Variants in ZBTB20 observed in about 807,000 individuals in gnomAD.
ZBTB20 encodes the protein zinc finger and BTB domain-containing protein 20.
ZBTB20 carries 9 observed loss-of-function variants against 56.9 expected under a neutral mutation model. The ratio of observed to expected loss-of-function variants is 0.16; its 90% CI spans 0.10 to 0.28. ZBTB20 has a LOEUF of 0.28. ZBTB20 is among the 10% of genes least tolerant of loss of function. The pLI is 1.00. For synonymous variants in ZBTB20, 417 were observed against 420.7 expected (o/e 0.99, Z 0.11); for missense variants, 655 against 1,003.0 (o/e 0.65, Z 4.69).
intron 6 of ZBTB20, among the ~76,000 whole-genome samples, chr3:114,576,366 G>A (rs981602317): frequency 1.9e-4 from 28 of 151,296 alleles, no homozygotes; most frequent in Non-Finnish European, 4.0e-4. Flanking sequence ...GCCAGGCGTG[G>A]TGGCGGGCGC....
chr3:114,577,519 G>A (rs2054210564), intron 6 of ZBTB20, among the ~76,000 whole-genome samples: 1 of 152,148 alleles, frequency 6.6e-6, no homozygotes, highest in Admixed American at 6.6e-5. Flanking sequence ...AAAAGAAGAT[G>A]ATTAGTTACA....
intron 7 of ZBTB20, among the ~76,000 whole-genome samples, chr3:114,405,934 G>A (rs750317552): frequency 1.3e-5 from 2 of 150,420 alleles, no homozygotes; most frequent in Non-Finnish European, 1.5e-5. Flanking sequence ...CTTACTAGAG[G>A]CATTTTTTTT....
At chr3:114,863,342 C>T (rs1285373202) in intron 4 of ZBTB20, among the ~76,000 whole-genome samples, 1 of 152,078 alleles carries the variant, frequency 6.6e-6, no homozygotes, top group East Asian at 1.9e-4. Context: ...TTAACTTGTT[C>T]TATACAAACA....
intron 1 of ZBTB20, among the ~76,000 whole-genome samples, chr3:115,098,000 C>G (rs2083441085): frequency 6.6e-6 from 1 of 152,018 alleles, no homozygotes. Context: ...AAAATTAAAC[C>G]AAACATAAAA....
chr3:114,347,607 G>C (rs1198053985), intron 11 of ZBTB20, among the ~76,000 whole-genome samples: 1 of 152,148 alleles, frequency 6.6e-6, no homozygotes, highest in Non-Finnish European at 1.5e-5. Flanking sequence ...CCCAGGTCTT[G>C]AATTATTTCC....
At chr3:114,773,295 C>T (rs182870052) in intron 5 of ZBTB20, among the ~76,000 whole-genome samples, 3 of 152,156 alleles carry the variant, frequency 2.0e-5, no homozygotes, top group African/African-American at 7.2e-5. Flanking sequence ...TTGTCATAAG[C>T]TGCTAAGTTT....
chr3:114,426,814 A>C (rs2089714619), intron 7 of ZBTB20, among the ~76,000 whole-genome samples: 1 of 152,200 alleles, frequency 6.6e-6, no homozygotes, highest in Non-Finnish European at 1.5e-5. Context: ...TTTCAGAAAA[A>C]AATTATATTT....
intron 6 of ZBTB20, among the ~76,000 whole-genome samples, chr3:114,536,255 T>C (rs1299453082): frequency 1.3e-5 from 2 of 152,198 alleles, no homozygotes; most frequent in South Asian, 2.1e-4. Flanking sequence ...CTCCATCATC[T>C]CAGCTCAAAA....
At chr3:114,760,393 T>G (rs1477413932) in intron 5 of ZBTB20, among the ~76,000 whole-genome samples, 2 of 152,138 alleles carry the variant, frequency 1.3e-5, no homozygotes. Flanking sequence ...CAAATATACA[T>G]AAACATGTAG....
At chr3:114,420,539 G>C (rs965263966) in intron 7 of ZBTB20, among the ~76,000 whole-genome samples, 1 of 152,112 alleles carries the variant, frequency 6.6e-6, no homozygotes, top group Admixed American at 6.6e-5. Flanking sequence ...ATGTCTCCTT[G>C]ACTTTTGTCT....
In ZBTB20 at chr3:114,317,739, A is replaced by T. The variant is rs1016579762; in HGVS notation, c.*21266T>A. The T allele has an allele frequency of 6.6e-6, 1 of 152,220 alleles. No homozygotes were observed. The highest frequency in any genetic ancestry group is 1.5e-5 in the Non-Finnish European group (1 of 68,038). 9.4% of individuals were successfully genotyped at this position (152,220 alleles called of 1,614,324 possible). A position where few individuals can be genotyped will look rare whatever the true frequency, so the allele number is the denominator to read the frequency against. On this transcript the variant is annotated 3_prime_UTR_variant, in exon 12 of 12. Transcript: ENST00000675478. Reference sequence around the variant, plus strand: ...GTTCATCTAACTATAAAAGGAAAAGATGAAGGCACGTGATATTATTCGGTC... The same window carrying T: ...GTTCATCTAACTATAAAAGGAAAAGTTGAAGGCACGTGATATTATTCGGTC...
intron 7 of ZBTB20, chr3:114,453,624 C>T (rs2091778491): frequency 6.6e-6 from 1 of 151,942 alleles, no homozygotes; most frequent in African/African-American, 2.4e-5. Flanking sequence ...GAAGATGCAT[C>T]CTGAACAACT....
At position 114,339,567 on chromosome 3, in the gene ZBTB20, C is replaced by T; in HGVS notation, c.1805-141G>A. On this transcript the variant is annotated intron_variant, in intron 11 of 11. Transcript: ENST00000675478. This position sits in a 1 kb window ranked among gnomAD's most constrained non-coding sequence, Gnocchi z 4.2. ...AAATTTGATTGCTTAATGGATCATC[C>T]TCGTTTGGAAAAATCCAGGCCCTCC... The T allele has an allele frequency of 1.9e-6, 2 of 1,065,950 alleles. No homozygotes were observed. Among genetic ancestry groups the T allele is most frequent in the Non-Finnish European group, 2.6e-6 (2 of 765,784 alleles). 66.0% of individuals were successfully genotyped at this position (1,065,950 alleles called of 1,614,324 possible).
chr3:114,431,900 C>T (rs778624322), intron 7 of ZBTB20, among the ~76,000 whole-genome samples: 21 of 152,106 alleles, frequency 1.4e-4, no homozygotes, highest in Non-Finnish European at 3.1e-4. Flanking sequence ...AGTAGCTTTT[C>T]GGTCAAGTGG....
At chr3:114,387,810 T>G (rs1249043276) in intron 8 of ZBTB20, 1 of 152,230 alleles carries the variant, frequency 6.6e-6, no homozygotes, top group African/African-American at 2.4e-5. Context: ...CTGAAGAAAC[T>G]ATGTTTGATC....
intron 3 of ZBTB20, among the ~76,000 whole-genome samples, chr3:114,933,425 G>A (rs1473519661): frequency 6.6e-6 from 1 of 152,190 alleles, no homozygotes; most frequent in Non-Finnish European, 1.5e-5. Flanking sequence ...CCACCCACTT[G>A]CTAACAGTTA....
At chr3:114,364,338 C>G (rs1048818504) in intron 10 of ZBTB20, among the ~76,000 whole-genome samples, 8 of 152,166 alleles carry the variant, frequency 5.3e-5, no homozygotes, top group African/African-American at 1.9e-4. Context: ...ATAATTCGAG[C>G]TACTCAGGAG....
At chr3:114,623,192 G>A (rs1260463673) in intron 6 of ZBTB20, among the ~76,000 whole-genome samples, 1 of 152,156 alleles carries the variant, frequency 6.6e-6, no homozygotes, top group Non-Finnish European at 1.5e-5. Flanking sequence ...CATTCCAACA[G>A]GAATTCTACT....
In ZBTB20 at chr3:114,772,411, T is replaced by A. The variant is rs190032737; in HGVS notation, c.-343+28690A>T. On this transcript the variant is annotated intron_variant, in intron 5 of 11. Coordinates refer to ENST00000675478, the MANE Select transcript of ZBTB20 (RefSeq NM_001348800.3). ...ATTCACTTGATCTGGGCTTACTTCCTTTTCCCAGCTGGGCTCTCTCTATGG... is the reference window on the plus strand; with the variant it reads ...ATTCACTTGATCTGGGCTTACTTCCATTTCCCAGCTGGGCTCTCTCTATGG... Among the ~76,000 whole-genome samples, 23 of 152,204 alleles carry A rather than the reference T, an allele frequency of 1.5e-4. No individual in the cohort carries two copies. In the East Asian group the frequency reaches 3.5e-3, roughly 23 times the overall value.
Sources: gnomAD v4.1 joint callset for allele counts (sites outside exome capture counted in the v4.1 genomes callset) on GRCh38, gnomAD v4.1.1 for gene constraint, Gnocchi (gnomAD v3.1) non-coding constraint, MANE v1.5 for transcripts, NCBI Gene and HGNC (gene_info 2026-07-23, HGNC 2026-07-21) for gene names.